The following FHOD3 variants were observed in gnomAD, a reference collection of about 807,000 sequenced individuals.
FHOD3 encodes the protein formin homology 2 domain containing 3.
A neutral mutation model predicts 173.0 loss-of-function variants in FHOD3; 90 were observed. The ratio of observed to expected loss-of-function variants is 0.52; its 90% CI spans 0.44 to 0.62. The LOEUF (loss-of-function observed/expected upper bound fraction) is 0.62, where lower values mean the gene tolerates loss of function less well. Among genes scored for constraint, FHOD3 ranks in the 20% least tolerant of loss-of-function variants. The probability of loss-of-function intolerance (pLI) is 0.00; values close to 1 mark genes in which losing one functional copy is unlikely to be tolerated. For synonymous variants in FHOD3, 828 were observed against 823.0 expected, an observed-to-expected ratio of 1.01 and a Z score of -0.10; for missense variants, 1,945 against 2,034.7, an observed-to-expected ratio of 0.96 and a Z score of 0.85.
intron 28 of FHOD3, 42 bp from the exon 29 acceptor site, chr18:36,779,406 T>C (rs1485043158): frequency 2.5e-6 from 4 of 1,597,346 alleles, no homozygotes; most frequent in Non-Finnish European, 3.4e-6. Context: ...ATACTTCCTT[T>C]TCTTCTCATC....
intron 3 of FHOD3, among the ~76,000 whole-genome samples, chr18:36,381,789 C>G (rs876141): frequency 0.11 from 16,787 of 152,272 alleles, 1,316 homozygotes; most frequent in South Asian, 0.32. Context: ...AAATGGATTC[C>G]TTTGCCCTGT....
chr18:36,474,927 C>T (rs1472570173), intron 3 of FHOD3, among the ~76,000 whole-genome samples: 3 of 151,086 alleles, frequency 2.0e-5, no homozygotes, highest in African/African-American at 4.9e-5. Flanking sequence ...GGTGACTTTT[C>T]GCTAGTTTTG....
At chr18:36,306,629 A>G (rs2092107030) in intron 1 of FHOD3, among the ~76,000 whole-genome samples, 1 of 152,102 alleles carries the variant, frequency 6.6e-6, no homozygotes, top group African/African-American at 2.4e-5. Flanking sequence ...TTCAGGGCAA[A>G]CTCCAAAGTC....
intron 28 of FHOD3, among the ~76,000 whole-genome samples, chr18:36,772,737 C>T (rs895094717): frequency 6.6e-6 from 1 of 152,232 alleles, no homozygotes; most frequent in African/African-American, 2.4e-5. Context: ...GGCTGCTCTC[C>T]CAGCTGGTGC....
At chr18:36,467,283 C>G (rs2052999717) in intron 3 of FHOD3, among the ~76,000 whole-genome samples, 1 of 152,190 alleles carries the variant, frequency 6.6e-6, no homozygotes, top group Non-Finnish European at 1.5e-5. Context: ...GTCAGCCCCT[C>G]CATGGCATAA....
At chr18:36,668,732 C>A (rs571713499) in intron 14 of FHOD3, among the ~76,000 whole-genome samples, 1 of 151,956 alleles carries the variant, frequency 6.6e-6, no homozygotes, top group Non-Finnish European at 1.5e-5. Flanking sequence ...TTTAAAAAGT[C>A]TTTACCCCAT....
chr18:36,649,636 T>C (rs2035919679), intron 11 of FHOD3, among the ~76,000 whole-genome samples: 4 of 152,140 alleles, frequency 2.6e-5, no homozygotes, highest in African/African-American at 9.7e-5. Flanking sequence ...AACCACACTT[T>C]ATGGAAAAAA....
chr18:36,353,710 C>G (rs1262027892), intron 1 of FHOD3, among the ~76,000 whole-genome samples: 1 of 152,094 alleles, frequency 6.6e-6, no homozygotes, highest in African/African-American at 2.4e-5. Flanking sequence ...TTATTTTTCT[C>G]TATTTTAAGA....
At chr18:36,424,027 C>T (rs1025387068) in intron 3 of FHOD3, among the ~76,000 whole-genome samples, 2 of 152,158 alleles carry the variant, frequency 1.3e-5, no homozygotes, top group African/African-American at 4.8e-5. Context: ...AGAAAACTGC[C>T]TTCAGCTGAA....
chr18:36,508,516 GT>G (rs1157286071), intron 4 of FHOD3, among the ~76,000 whole-genome samples: 2 of 152,100 alleles, frequency 1.3e-5, no homozygotes, highest in Non-Finnish European at 2.9e-5. Context: ...AAGTTGAAGG[GT>G]CTCCCACTGG....
chr18:36,316,463 C>T (rs2044127024), intron 1 of FHOD3, among the ~76,000 whole-genome samples: 1 of 152,212 alleles, frequency 6.6e-6, no homozygotes, highest in South Asian at 2.1e-4. Context: ...GGTTTAAAAT[C>T]CTTCAGATGG....
In FHOD3 at chr18:36,742,779, C is replaced by T; in HGVS notation, c.3802C>T (p.Gln1268Ter). ...PLLDLKEGID[Q>*]LENNKTLGFI... Reference sequence around the variant, plus strand: ...CCTGGACCTGAAGGAAGGAATAGACCAGTTGGAGAACAATAAAACCTTGGG... The same window carrying T: ...CCTGGACCTGAAGGAAGGAATAGACTAGTTGGAGAACAATAAAACCTTGGG... The change falls in exon 22 of 29, where the codon CAG becomes TAG. Residue 1268 changes from glutamine to a stop codon, truncating the protein, a stop_gained. Coordinates refer to ENST00000590592, the MANE Select transcript of FHOD3 (RefSeq NM_001281740.3). LOFTEE classifies it high-confidence loss of function. The T allele has an allele frequency of 6.2e-7, 1 of 1,613,930 alleles. No homozygotes were observed. Among genetic ancestry groups the T allele is most frequent in the Non-Finnish European group, 8.5e-7 (1 of 1,179,918 alleles).
Position 36,776,938 on chromosome 18 carries a change from C to A in FHOD3, c.4787-2510C>A, listed in dbSNP as rs73947009. ...ATTGTTACATGAGCTGTAAGGTGACCGGGCCCTTATTCGAGTATTAATATT... is the reference window on the plus strand; with the variant it reads ...ATTGTTACATGAGCTGTAAGGTGACAGGGCCCTTATTCGAGTATTAATATT... On this transcript the variant is annotated intron_variant, in intron 28 of 28. Transcript: ENST00000590592. Among the ~76,000 whole-genome samples the A allele has an allele frequency of 2.8e-3, 427 of 152,270 alleles. 3 individuals carry two copies. Among genetic ancestry groups the A allele is most frequent in the African/African-American group, 9.7e-3 (405 of 41,552 alleles).
rs566673322 is a variant in FHOD3, at chr18:36,567,506, G to A, written c.512-8945G>A. ...AAGTACACAGGACCCTGTCTTTCCC[G>A]ATGAATTCAACTATAAAACCTATAA... On this transcript the variant is annotated intron_variant, in intron 5 of 28. Coordinates refer to ENST00000590592, the MANE Select transcript of FHOD3 (RefSeq NM_001281740.3). Among the ~76,000 whole-genome samples, 13 of 152,250 alleles carry A rather than the reference G, an allele frequency of 8.5e-5. 1 individual carries two copies. The highest frequency in any genetic ancestry group is 5.8e-4 in the East Asian group (3 of 5,180).
chr18:36,576,348 A>G (rs749278962), intron 5 of FHOD3, 103 bp from the exon 6 acceptor site: 8 of 694,456 alleles, frequency 1.2e-5, no homozygotes, highest in Middle Eastern at 2.9e-4. Flanking sequence ...TTCTTAACAT[A>G]CTGTGTACTT....
chr18:36,734,437 A>T (rs1487591023), intron 20 of FHOD3, among the ~76,000 whole-genome samples: 1 of 152,084 alleles, frequency 6.6e-6, no homozygotes, highest in African/African-American at 2.4e-5. Context: ...TAGGAGCAAA[A>T]TCACCCTGGT....
intron 10 of FHOD3, among the ~76,000 whole-genome samples, chr18:36,632,270 C>G (rs183040064): frequency 1.5e-4 from 23 of 152,282 alleles, no homozygotes; most frequent in African/African-American, 5.5e-4. Flanking sequence ...GTGAAAAATG[C>G]CTCAGCATTG....
chr18:36,520,083 T>C (rs2056201360), intron 5 of FHOD3, among the ~76,000 whole-genome samples: 1 of 151,726 alleles, frequency 6.6e-6, no homozygotes, highest in Admixed American at 6.6e-5. Flanking sequence ...TCAGCCTCTC[T>C]AGTAGCTGGA....
chr18:36,438,195 A>T (rs540907058), intron 3 of FHOD3, among the ~76,000 whole-genome samples: 78 of 152,242 alleles, frequency 5.1e-4, no homozygotes, highest in Non-Finnish European at 8.4e-4. Context: ...GCTGGCTAGC[A>T]TGGTGGTTGT....
Sources: gnomAD v4.1 joint callset for allele counts (sites outside exome capture counted in the v4.1 genomes callset) on GRCh38, gnomAD v4.1.1 for gene constraint, MANE v1.5 for transcripts, NCBI Gene and HGNC (gene_info 2026-07-23, HGNC 2026-07-21) for gene names.